PCNX4: variants seen among roughly 807,000 people sequenced by gnomAD.
The protein encoded by PCNX4 is pecanex-like protein 4.
A neutral mutation model predicts 107.2 loss-of-function variants in PCNX4; 103 were observed. That is an observed-to-expected ratio of 0.96 (90% CI 0.82 to 1.13). PCNX4 has a LOEUF of 1.13. Among genes scored for constraint, PCNX4 ranks in the 50% most tolerant of loss-of-function variants. The pLI is 0.00. For synonymous variants in PCNX4, 541 were observed against 481.7 expected (o/e 1.12, Z -1.61); for missense variants, 1,528 against 1,379.4 (o/e 1.11, Z -1.71).
intron 7 of PCNX4, among the ~76,000 whole-genome samples, chr14:60,119,589 T>G (rs1895917247): frequency 6.6e-6 from 1 of 150,652 alleles, no homozygotes; most frequent in Non-Finnish European, 1.5e-5. Context: ...GAATAGTCAT[T>G]TGTCTTATAG....
At chr14:60,115,594 T>C in intron 4 of PCNX4, 125 bp from the exon 5 acceptor site, 1 of 1,360,412 alleles carries the variant, frequency 7.4e-7, no homozygotes, top group Non-Finnish European at 9.9e-7. Context: ...TATGGTTTTT[T>C]GTTTATTGGC....
chr14:60,115,164 A>G lies in PCNX4; in HGVS notation c.1060A>G (p.Lys354Glu), dbSNP rs77825637. The change falls in exon 4 of 11, where the codon AAG becomes GAG. Residue 354 changes from lysine (K) to glutamate (E), a missense_variant. Transcript: ENST00000406854. Reference protein sequence around the residue: ...PSGPEKHFSWKECLFYIIILV... With the variant: ...PSGPEKHFSWEECLFYIIILV... ...TGGTCCGGAAAAACATTTTTCATGG[A>G]AGGAATGCCTTTTCTACATCATTAT... 2.5e-6 allele frequency: 4 copies of G among 1,613,530 alleles called. No individual in the cohort carries two copies. Among genetic ancestry groups the G allele is most frequent in the Middle Eastern group, 1.7e-4 (1 of 6,060 alleles).
intron 1 of PCNX4, 65 bp from the exon 2 acceptor site, chr14:60,107,521 G>T (rs1018896260): frequency 1.2e-5 from 11 of 889,718 alleles, no homozygotes; most frequent in African/African-American, 1.7e-5. Context: ...GTAATGTGAG[G>T]TTTTTCCTCA....
Position 60,107,882 on chromosome 14 carries a change from T to A in PCNX4, c.244T>A (p.Phe82Ile). The A allele has an allele frequency of 6.2e-7, 1 of 1,612,912 alleles. No homozygotes were observed. Among genetic ancestry groups the A allele is most frequent in the Non-Finnish European group, 8.5e-7 (1 of 1,179,892 alleles). ...AGCACTTTCAGGTGGATTAATGCTT[T>A]TTACTGCATTTGTCATCCAGTTCAC... Reference protein sequence around the residue: ...TAALSGGLMLFTAFVIQFTSL... With the variant: ...TAALSGGLMLITAFVIQFTSL... The change falls in exon 2 of 11, where the codon TTT (phenylalanine) becomes ATT (isoleucine). Residue 82 changes from phenylalanine (F) to isoleucine (I), a missense_variant. Transcript: ENST00000406854.
Position 60,142,627 on chromosome 14 carries a change from G to A in PCNX4, c.*8406G>A, listed in dbSNP as rs1896319920. The A allele has an allele frequency of 6.6e-6, 1 of 152,162 alleles. No homozygotes were observed. Among genetic ancestry groups the A allele is most frequent in the African/African-American group, 2.4e-5 (1 of 41,424 alleles). The allele number at this position is 152,162 out of a possible 1,614,324, so 9.4% of individuals were successfully genotyped here. Reference sequence around the variant, plus strand: ...AAAGCTGCCTTTTCCATCTTGGGCTGCTGACAAAAAAGCCTAAGAAAGAAA... The same window carrying A: ...AAAGCTGCCTTTTCCATCTTGGGCTACTGACAAAAAAGCCTAAGAAAGAAA... On this transcript the variant is annotated 3_prime_UTR_variant, in exon 11 of 11. Transcript: ENST00000406854. This position sits in a 1 kb window ranked among gnomAD's most constrained non-coding sequence, Gnocchi z 4.7.
chr14:60,095,891 A>G (rs1895414938), intron 1 of PCNX4, among the ~76,000 whole-genome samples: 1 of 152,168 alleles, frequency 6.6e-6, no homozygotes, highest in African/African-American at 2.4e-5. Flanking sequence ...ACAAAAGGAA[A>G]TCACACCTGG....
chr14:60,100,139 T>A (rs995729710), intron 1 of PCNX4, among the ~76,000 whole-genome samples: 1 of 152,080 alleles, frequency 6.6e-6, no homozygotes, highest in South Asian at 2.1e-4. Flanking sequence ...CTAATGCCCT[T>A]CATATATGAA....
rs1036821702 is a variant in PCNX4, at chr14:60,124,435, A to G, written c.2264A>G (p.Glu755Gly). 6.8e-6 allele frequency: 11 copies of G among 1,613,682 alleles called. No homozygotes were observed. Among genetic ancestry groups the G allele is most frequent in the Non-Finnish European group, 9.3e-6 (11 of 1,179,702 alleles). Residue 755 changes from glutamate (E) to glycine (G), a missense_variant, in exon 9 of 11, where the codon GAA (glutamate) becomes GGA (glycine). Coordinates refer to ENST00000406854, the MANE Select transcript of PCNX4 (RefSeq NM_001330177.2). ...ATTGATTCTCATGAAAACTTAAAAG[A>G]ATTTAAAGGTGACCTCATTAAAGTA... ...GIIDSHENLK[E>G]FKGDLIKVLV... is the part of the protein sequence containing the mutation.
intron 2 of PCNX4, among the ~76,000 whole-genome samples, chr14:60,112,244 C>T (rs1374664752): frequency 6.6e-6 from 1 of 152,144 alleles, no homozygotes; most frequent in Non-Finnish European, 1.5e-5. Context: ...TTTATATCAT[C>T]TTAGCCACTG....
intron 7 of PCNX4, 77 bp from the exon 8 acceptor site, chr14:60,121,119 A>G (rs964252057): frequency 6.7e-7 from 1 of 1,497,256 alleles, no homozygotes; most frequent in Non-Finnish European, 8.9e-7. Context: ...TTTAGTTTTG[A>G]AGATTCACAT....
rs1896226961 is a variant in PCNX4 at position 60,135,415 on chromosome 14, A to T, written c.*1194A>T. The T allele has an allele frequency of 6.6e-6, 1 of 152,192 alleles. No individual in the cohort carries two copies. Among genetic ancestry groups the T allele is most frequent in the African/African-American group, 2.4e-5 (1 of 41,448 alleles). 9.4% of individuals were successfully genotyped at this position (152,192 alleles called of 1,614,324 possible). A position where few individuals can be genotyped will look rare whatever the true frequency, so the allele number is the denominator to read the frequency against. On this transcript the variant is annotated 3_prime_UTR_variant, in exon 11 of 11. Coordinates refer to ENST00000406854, the MANE Select transcript of PCNX4 (RefSeq NM_001330177.2). Reference sequence around the variant, plus strand: ...GAGGTAATATAGTACAGTTACTAAGATAGGATTTTGTATTACTCTGAGTTT... The same window carrying T: ...GAGGTAATATAGTACAGTTACTAAGTTAGGATTTTGTATTACTCTGAGTTT...
At chr14:60,128,643 C>T (rs936837467) in intron 10 of PCNX4, among the ~76,000 whole-genome samples, 1 of 152,120 alleles carries the variant, frequency 6.6e-6, no homozygotes, top group African/African-American at 2.4e-5. Flanking sequence ...CAAATTCACA[C>T]ACAAAAACAA....
intron 7 of PCNX4, among the ~76,000 whole-genome samples, chr14:60,119,091 T>A (rs1316259291): frequency 6.6e-6 from 1 of 152,208 alleles, no homozygotes; most frequent in African/African-American, 2.4e-5. Flanking sequence ...TAGCTTTACA[T>A]AATATCAGCT....
chr14:60,123,583 G>A (rs1012344887), intron 8 of PCNX4, among the ~76,000 whole-genome samples: 1 of 152,058 alleles, frequency 6.6e-6, no homozygotes, highest in African/African-American at 2.4e-5. Flanking sequence ...CTTCTAAGGA[G>A]GTAATCAAAA....
At position 60,148,071 on chromosome 14, in the gene PCNX4, G is replaced by A. The variant is rs938304303; in HGVS notation, c.*13850G>A. 1 of 152,134 alleles carries A rather than the reference G, an allele frequency of 6.6e-6. No individual in the cohort carries two copies. Among genetic ancestry groups the A allele is most frequent in the African/African-American group, 2.4e-5 (1 of 41,424 alleles). The allele number at this position is 152,134 out of a possible 1,614,324, so 9.4% of individuals were successfully genotyped here. On this transcript the variant is annotated 3_prime_UTR_variant, in exon 11 of 11. Transcript: ENST00000406854. The surrounding 1 kb of genome is among the most constrained non-coding windows in gnomAD (Gnocchi z 4.8). Reference sequence around the variant, plus strand: ...GGTAGAAAACGAAAAGCTCCTTTTTGATTTTTCACACTCTGGACATTTTAG... The same window carrying A: ...GGTAGAAAACGAAAAGCTCCTTTTTAATTTTTCACACTCTGGACATTTTAG...
At chr14:60,109,151 A>G (rs160232) in intron 2 of PCNX4, 127,068 of 166,978 alleles carry the variant, frequency 0.76, 50,593 homozygotes, top group Non-Finnish European at 0.87. Flanking sequence ...TGTGCCATCT[A>G]AGGACACAGC....
Position 60,134,282 on chromosome 14 carries a change from T to G in PCNX4, c.*61T>G. 8 of 1,564,872 alleles carry G rather than the reference T, an allele frequency of 5.1e-6. 1 individual carries two copies. In the South Asian group the frequency reaches 9.3e-5, roughly 18 times the overall value. ...TTTTTATTTTTTCATCCTAAAAAAGTAACTGTGATTCTTGTAACTTGAGGA... is the reference window on the plus strand; with the variant it reads ...TTTTTATTTTTTCATCCTAAAAAAGGAACTGTGATTCTTGTAACTTGAGGA... On this transcript the variant is annotated 3_prime_UTR_variant, in exon 11 of 11. Coordinates refer to ENST00000406854, the MANE Select transcript of PCNX4 (RefSeq NM_001330177.2).
At chr14:60,130,311 A>G (rs1896131564) in intron 10 of PCNX4, among the ~76,000 whole-genome samples, 1 of 148,492 alleles carries the variant, frequency 6.7e-6, no homozygotes, top group Non-Finnish European at 1.5e-5. Context: ...ATTAATATAT[A>G]AATATGTAAT....
intron 10 of PCNX4, chr14:60,133,561 A>C (rs1595181608): frequency 2.4e-6 from 1 of 423,492 alleles, no homozygotes; most frequent in Non-Finnish European, 4.6e-6. Context: ...TGAATTGCAT[A>C]TAGTAAGTAA....
Sources: allele counts gnomAD v4.1 joint callset (sites outside exome capture counted in the v4.1 genomes callset), GRCh38; gene constraint gnomAD v4.1.1; non-coding constraint Gnocchi (gnomAD v3.1); transcripts MANE v1.5; gene names NCBI Gene and HGNC (gene_info 2026-07-23, HGNC 2026-07-21).